CD46: variants seen among roughly 807,000 people sequenced by gnomAD.
CD46 encodes membrane cofactor protein.
Under a neutral mutation model 53.3 loss-of-function variants are expected in CD46, and 30 were observed. The ratio of observed to expected loss-of-function variants is 0.56; its 90% CI spans 0.42 to 0.76. The LOEUF is 0.76. Ranked by LOEUF, CD46 falls within the 30% of genes least tolerant of loss-of-function variation. CD46 has a pLI of 0.00. For missense variants in CD46, 409 were observed against 463.0 expected, an observed-to-expected ratio of 0.88 and a Z score of 1.07; for synonymous variants, 142 against 152.0, an observed-to-expected ratio of 0.93 and a Z score of 0.48.
At chr1:207,758,213 C>A (rs550195591) in intron 3 of CD46, among the ~76,000 whole-genome samples, 1 of 152,138 alleles carries the variant, frequency 6.6e-6, no homozygotes, top group Non-Finnish European at 1.5e-5. Context: ...AGATACTAGA[C>A]ATTTAAGATA....
chr1:207,759,189 T>C (rs576661410), intron 3 of CD46, among the ~76,000 whole-genome samples: 12 of 152,286 alleles, frequency 7.9e-5, no homozygotes, highest in African/African-American at 2.9e-4. Flanking sequence ...TTTTAATCAA[T>C]TAGGAAGCTG....
At chr1:207,759,072 C>T (rs1460270646) in intron 3 of CD46, among the ~76,000 whole-genome samples, 2 of 152,116 alleles carry the variant, frequency 1.3e-5, no homozygotes, top group Non-Finnish European at 2.9e-5. Flanking sequence ...TAGAAATACA[C>T]TCTGTTCTAA....
intron 3 of CD46, among the ~76,000 whole-genome samples, chr1:207,758,663 T>C (rs771301436): frequency 5.3e-5 from 8 of 152,140 alleles, no homozygotes; most frequent in Non-Finnish European, 1.2e-4. Flanking sequence ...ATTCAAACAA[T>C]AGCAGTAACA....
At chr1:207,783,176 G>A in intron 8 of CD46, 116 bp from the exon 9 acceptor site, 1 of 557,426 alleles carries the variant, frequency 1.8e-6, no homozygotes, top group Non-Finnish European at 3.2e-6. Context: ...TATATTTTAA[G>A]GGATTTTCTA....
At chr1:207,780,176 C>G (rs1041550284) in intron 8 of CD46, among the ~76,000 whole-genome samples, 1 of 151,916 alleles carries the variant, frequency 6.6e-6, no homozygotes, top group African/African-American at 2.4e-5. Context: ...CTCCATTCCT[C>G]CCTATCCCCA....
At chr1:207,789,300 T>C (rs1659572743) in intron 11 of CD46, among the ~76,000 whole-genome samples, 1 of 152,236 alleles carries the variant, frequency 6.6e-6, no homozygotes, top group Non-Finnish European at 1.5e-5. Context: ...TTTATTATTT[T>C]GTATAACCTA....
intron 10 of CD46, 40 bp downstream of exon 10, chr1:207,785,146 T>C (rs781645635): frequency 6.7e-7 from 1 of 1,482,778 alleles, no homozygotes; most frequent in South Asian, 1.1e-5. Context: ...AGTCAAAAAA[T>C]TATTGTGAAG....
chr1:207,764,121 C>A (rs186204744), intron 5 of CD46, among the ~76,000 whole-genome samples: 2 of 152,154 alleles, frequency 1.3e-5, no homozygotes, highest in African/African-American at 4.8e-5. Context: ...GACCTCAGAT[C>A]CCCTCAGGTG....
chr1:207,757,297 C>A, intron 2 of CD46, 95 bp downstream of exon 2: 1 of 1,165,006 alleles, frequency 8.6e-7, no homozygotes, highest in Non-Finnish European at 1.3e-6. Context: ...TGATTTTCTT[C>A]TTGTAAAATG....
intron 5 of CD46, among the ~76,000 whole-genome samples, chr1:207,762,209 T>C (rs1038239095): frequency 2.0e-5 from 3 of 152,194 alleles, no homozygotes; most frequent in African/African-American, 7.2e-5. Flanking sequence ...GAAAGTGTTT[T>C]GAATTGAATA....
At chr1:207,787,610 A>G (rs904637192) in intron 11 of CD46, among the ~76,000 whole-genome samples, 11 of 152,220 alleles carry the variant, frequency 7.2e-5, no homozygotes, top group Non-Finnish European at 1.5e-4. Context: ...TAGTAGCACA[A>G]CTTGAGGAAA....
At position 207,785,467 on chromosome 1, in the gene CD46, T is replaced by C. The variant is rs1571685970; in HGVS notation, c.1019-152T>C. The C allele has an allele frequency of 2.0e-5, 14 of 712,372 alleles. No individual in the cohort carries two copies. The East Asian group carries it at 3.5e-4, about 18-fold the overall frequency. The allele number at this position is 712,372 out of a possible 1,614,324, so 44.1% of individuals were successfully genotyped here. On this transcript the variant is annotated intron_variant, in intron 10 of 12. Transcript: ENST00000367042. ...GTGATTATGGGGAGTTGGATTTAGA[T>C]AGCAAAGAGTCTGGATGGAATATAA...
chr1:207,753,298 G>A (rs1198949093), intron 1 of CD46, among the ~76,000 whole-genome samples: 1 of 152,170 alleles, frequency 6.6e-6, no homozygotes, highest in African/African-American at 2.4e-5. Context: ...GTTTTCCCCT[G>A]CAGCTCATAA....
At chr1:207,782,085 T>C (rs1478589864) in intron 8 of CD46, among the ~76,000 whole-genome samples, 1 of 152,200 alleles carries the variant, frequency 6.6e-6, no homozygotes, top group Non-Finnish European at 1.5e-5. Flanking sequence ...TTATTTTATA[T>C]CTTTAATTTT....
Position 207,761,240 on chromosome 1 carries a change from AT to A in CD46, c.476-4del, listed in dbSNP as rs763918298. 135 of 1,571,790 alleles carry A rather than the reference AT, an allele frequency of 8.6e-5. No individual in the cohort carries two copies. Among genetic ancestry groups the A allele is most frequent in the Non-Finnish European group, 1.1e-4 (130 of 1,143,636 alleles). ...TACATTTCCTTTCCTCTTTTTCTTCATTTTTAAGAGGTTTTGTGTACACCAC... is the reference window on the plus strand; with the variant it reads ...TACATTTCCTTTCCTCTTTTTCTTCATTTTAAGAGGTTTTGTGTACACCAC... On this transcript the variant is annotated splice_polypyrimidine_tract_variant and splice_region_variant and intron_variant, in intron 4 of 12. Transcript: ENST00000367042.
chr1:207,792,439 G>A (rs1164335671), intron 12 of CD46, among the ~76,000 whole-genome samples: 2 of 152,048 alleles, frequency 1.3e-5, no homozygotes, highest in African/African-American at 2.4e-5. Flanking sequence ...TGGCCTCCCC[G>A]GCAAAGAAGA....
chr1:207,778,497 T>C (rs1658358777), intron 8 of CD46, among the ~76,000 whole-genome samples: 1 of 152,240 alleles, frequency 6.6e-6, no homozygotes, highest in Admixed American at 6.5e-5. Flanking sequence ...TTCAATCTTC[T>C]GCATATGGCT....
Position 207,785,530 on chromosome 1 carries a change from G to A in CD46, c.1019-89G>A. The A allele has an allele frequency of 3.2e-6, 3 of 949,368 alleles. 1 individual carries two copies. The Middle Eastern group carries it at 8.7e-4, about 275-fold the overall frequency. The allele number at this position is 949,368 out of a possible 1,614,324, so 58.8% of individuals were successfully genotyped here. ...TTAAATAACATTTGACCACTGAAAT[G>A]TAACCAACATTTATTTCTTCTGCTA... On this transcript the variant is annotated intron_variant, in intron 10 of 12. Transcript: ENST00000367042.
rs577548227 is a variant in CD46, at chr1:207,760,117, G to A, written c.475+393G>A. 68 of 180,594 alleles carry A rather than the reference G, an allele frequency of 3.8e-4. No individual in the cohort carries two copies. The South Asian group carries it at 7.1e-3, about 19-fold the overall frequency. 11.2% of individuals were successfully genotyped at this position (180,594 alleles called of 1,614,324 possible). On this transcript the variant is annotated intron_variant, in intron 4 of 12. Coordinates refer to ENST00000367042, the MANE Select transcript of CD46 (RefSeq NM_172351.3). ...GGTCTTGAAATCCCATGCTCAAGCA[G>A]TCTGCCCCCGTGGGCCTCCCAAAGT...
Sources: gnomAD v4.1 joint callset for allele counts (sites outside exome capture counted in the v4.1 genomes callset) on GRCh38, gnomAD v4.1.1 for gene constraint, MANE v1.5 for transcripts, NCBI Gene and HGNC (gene_info 2026-07-23, HGNC 2026-07-21) for gene names.